ULBP3: variants seen among roughly 807,000 people sequenced by gnomAD.
ULBP3 encodes UL16-binding protein 3.
A neutral mutation model predicts 24.9 loss-of-function variants in ULBP3; 25 were observed. The ratio of observed to expected loss-of-function variants is 1.00; its 90% CI spans 0.73 to 1.40. ULBP3 has a LOEUF of 1.40. Ranked by LOEUF, ULBP3 falls within the 40% of genes most tolerant of loss-of-function variation. ULBP3 has a pLI of 0.00. For missense variants in ULBP3, 306 were observed against 307.5 expected (o/e 1.00, Z 0.04); for synonymous variants, 114 against 114.7 (o/e 0.99, Z 0.04).
At chr6:150,066,463 C>T (rs929306001) in intron 1 of ULBP3, among the ~76,000 whole-genome samples, 1 of 152,084 alleles carries the variant, frequency 6.6e-6, no homozygotes, top group Non-Finnish European at 1.5e-5. Context: ...CTGCAAGAGG[C>T]GGGAGAGTGT....
At position 150,069,078 on chromosome 6, in the gene ULBP3, A is replaced by G. The variant is rs540238955; in HGVS notation, c.-12T>C. The G allele has an allele frequency of 9.9e-6, 16 of 1,608,942 alleles. No individual in the cohort carries two copies. The highest frequency in any genetic ancestry group is 1.1e-5 in the Non-Finnish European group (13 of 1,177,880). On this transcript the variant is annotated 5_prime_UTR_variant, in exon 1 of 5. Coordinates refer to ENST00000367339, the MANE Select transcript of ULBP3 (RefSeq NM_024518.3). ...GCGGCCGCTGCCATTGTAGACCAGG[A>G]GCGCCCGGGACACAAGGCGCAGTCG...
intron 1 of ULBP3, among the ~76,000 whole-genome samples, chr6:150,068,649 G>A (rs2114795960): frequency 6.6e-6 from 1 of 152,340 alleles, no homozygotes; most frequent in Non-Finnish European, 1.5e-5. Context: ...GGTTCCGGGG[G>A]CTCTGGTTTC....
rs759069253 is a variant in ULBP3, at chr6:150,065,690, G to C, written c.353-17C>G. On this transcript the variant is annotated splice_polypyrimidine_tract_variant and intron_variant, in intron 2 of 4. Transcript: ENST00000367339. ...TGAGGGGTCCTGCCCCAATCAGAAA[G>C]AGATCAGCCCTGGTGTTTACAAATT... 50 of 1,613,476 alleles carry C rather than the reference G, an allele frequency of 3.1e-5. No individual in the cohort carries two copies. The African/African-American group carries it at 4.8e-4, about 16-fold the overall frequency.
At chr6:150,065,138 G>T (rs1776326657) in intron 3 of ULBP3, among the ~76,000 whole-genome samples, 1 of 152,010 alleles carries the variant, frequency 6.6e-6, no homozygotes, top group Admixed American at 6.5e-5. Context: ...AGGCTGGTGA[G>T]AAATCCACAG....
intron 1 of ULBP3, among the ~76,000 whole-genome samples, chr6:150,066,494 T>C (rs2114793510): frequency 6.6e-6 from 1 of 152,240 alleles, no homozygotes; most frequent in Non-Finnish European, 1.5e-5. Context: ...CCTGAGGATG[T>C]TGGAGCGTGG....
In ULBP3 at chr6:150,066,090, T is replaced by A; in HGVS notation, c.161A>T (p.Gln54Leu). ...PRHGQQWCEV[Q>L]SQVDQKNFLS... ...AAAATTCTTCTGATCCACCTGGCTC[T>A]GGACCTCACACCACTGTTGCCCATG... is the stretch of plus-strand genomic sequence containing the variant. Residue 54 changes from glutamine to leucine, a missense_variant, in exon 2 of 5, where the codon CAG becomes CTG. Transcript: ENST00000367339. The A allele has an allele frequency of 6.2e-7, 1 of 1,614,234 alleles. No individual in the cohort carries two copies. Among genetic ancestry groups the A allele is most frequent in the South Asian group, 1.1e-5 (1 of 91,086 alleles).
chr6:150,065,815 C>G, intron 2 of ULBP3, 84 bp downstream of exon 2: 1 of 1,584,294 alleles, frequency 6.3e-7, no homozygotes, highest in Admixed American at 1.7e-5. Flanking sequence ...ATGGAGGTCC[C>G]ATGTCTAATT....
intron 4 of ULBP3, among the ~76,000 whole-genome samples, chr6:150,063,851 A>T (rs2114790016): frequency 6.6e-6 from 1 of 152,162 alleles, no homozygotes; most frequent in East Asian, 1.9e-4. Flanking sequence ...GACCTCTAGC[A>T]GCAGCTCAGC....
rs751038848 is a variant in ULBP3 at position 150,069,076 on chromosome 6, G to A, written c.-10C>T. The A allele has an allele frequency of 2.7e-5, 43 of 1,609,024 alleles. No homozygotes were observed. In the East Asian group the frequency reaches 9.6e-4, roughly 36 times the overall value. On this transcript the variant is annotated 5_prime_UTR_variant, in exon 1 of 5. Transcript: ENST00000367339. ...TGGCGGCCGCTGCCATTGTAGACCA[G>A]GAGCGCCCGGGACACAAGGCGCAGT...
intron 1 of ULBP3, among the ~76,000 whole-genome samples, chr6:150,066,713 G>A (rs1776352430): frequency 6.6e-6 from 1 of 152,150 alleles, no homozygotes; most frequent in Non-Finnish European, 1.5e-5. Flanking sequence ...TAAGAGAAGT[G>A]CCCATGCCAG....
chr6:150,067,389 C>CA (rs1776362831), intron 1 of ULBP3, among the ~76,000 whole-genome samples: 1 of 152,188 alleles, frequency 6.6e-6, no homozygotes, highest in Non-Finnish European at 1.5e-5. Flanking sequence ...AGCAAATACT[C>CA]AGACACTCCT....
chr6:150,062,955 A>G lies in ULBP3; in HGVS notation c.*419T>C, dbSNP rs564054399. 5.2e-3 allele frequency among the ~76,000 whole-genome samples: 773 copies of G among 149,810 alleles called. 3 individuals are homozygous for G. The highest frequency in any genetic ancestry group is 8.0e-3 in the Non-Finnish European group (536 of 67,372). ...GTCTCTACTAAAAATACAAAAAATTAGCCGGGCGCGGTGGCGGGTGCCTGT... is the reference window on the plus strand; with the variant it reads ...GTCTCTACTAAAAATACAAAAAATTGGCCGGGCGCGGTGGCGGGTGCCTGT... On this transcript the variant is annotated 3_prime_UTR_variant, in exon 5 of 5. Transcript: ENST00000367339.
In ULBP3 at chr6:150,065,408, C is replaced by T. The variant is rs1776330420; in HGVS notation, c.618G>A (p.Leu206=). 1.9e-6 allele frequency: 3 copies of T among 1,613,974 alleles called. No individual in the cohort carries two copies. In the South Asian group the frequency reaches 3.3e-5, roughly 18 times the overall value. The change falls in exon 3 of 5, where the codon CTG becomes CTA. Residue 206 remains leucine, a synonymous_variant. Transcript: ENST00000367339. ...RDFLMHRKKR[L]EPTAPPTMAP... Reference sequence around the variant, plus strand: ...TCCCCTGTCAGTTACCTGTGGGTTCCAGCCTCTTCTTCCTGTGCATCAGGA... The same window carrying T: ...TCCCCTGTCAGTTACCTGTGGGTTCTAGCCTCTTCTTCCTGTGCATCAGGA...
chr6:150,068,928 A>G, intron 1 of ULBP3, 51 bp downstream of exon 1: 1 of 1,531,038 alleles, frequency 6.5e-7, no homozygotes, highest in Non-Finnish European at 8.8e-7. Context: ...TGCAGTCCAC[A>G]GCCCCCCAGG....
rs472469 is a variant in ULBP3, at chr6:150,062,038, T to C, written c.*1336A>G. Among the ~76,000 whole-genome samples the C allele has an allele frequency of 0.37, 55,849 of 152,182 alleles. 10,340 individuals carry two copies. The highest frequency in any genetic ancestry group is 0.45 in the South Asian group (2,161 of 4,822). ...CTTGTATGTCTTCTTTTGAAAAGTG[T>C]CTGTTCATGTCTTTGCACATTTTTT... On this transcript the variant is annotated 3_prime_UTR_variant, in exon 5 of 5. Transcript: ENST00000367339.
At position 150,069,105 on chromosome 6, in the gene ULBP3, T is replaced by G; in HGVS notation, c.-39A>C. 2 of 1,594,670 alleles carry G rather than the reference T, an allele frequency of 1.3e-6. No individual in the cohort carries two copies. Among genetic ancestry groups the G allele is most frequent in the Non-Finnish European group, 1.7e-6 (2 of 1,170,038 alleles). On this transcript the variant is annotated 5_prime_UTR_variant, in exon 1 of 5. Coordinates refer to ENST00000367339, the MANE Select transcript of ULBP3 (RefSeq NM_024518.3). Reference sequence around the variant, plus strand: ...CGCCCGGGACACAAGGCGCAGTCGATGTGGAGACCAGCGTATGAATCACTT... The same window carrying G: ...CGCCCGGGACACAAGGCGCAGTCGAGGTGGAGACCAGCGTATGAATCACTT...
At chr6:150,066,246 AG>A in intron 1 of ULBP3, 84 bp from the exon 2 acceptor site, 2 of 1,462,236 alleles carry the variant, frequency 1.4e-6, no homozygotes, top group Non-Finnish European at 1.8e-6. Context: ...GGTTTCCTGA[AG>A]GGCTGGGCTG....
chr6:150,065,282 TA>T, intron 3 of ULBP3, 115 bp downstream of exon 3: 1 of 1,410,836 alleles, frequency 7.1e-7, no homozygotes, highest in East Asian at 2.3e-5. Flanking sequence ...CACACATACA[TA>T]GACTCACACC....
intron 1 of ULBP3, among the ~76,000 whole-genome samples, chr6:150,067,579 T>C (rs1032190862): frequency 2.7e-5 from 4 of 150,088 alleles, no homozygotes; most frequent in African/African-American, 7.6e-5. Flanking sequence ...TTCCTGGATT[T>C]CTACCGGGAA....
Sources: gnomAD v4.1 joint callset for allele counts (sites outside exome capture counted in the v4.1 genomes callset) on GRCh38, gnomAD v4.1.1 for gene constraint, MANE v1.5 for transcripts, NCBI Gene and HGNC (gene_info 2026-07-23, HGNC 2026-07-21) for gene names.